The following COMP variants were observed in gnomAD, a reference collection of about 807,000 sequenced individuals.
COMP encodes cartilage oligomeric matrix protein, also known as cartilage oligomeric matrix protein (pseudoachondroplasia, epiphyseal dysplasia 1, multiple).
COMP carries 79 observed loss-of-function variants against 95.8 expected under a neutral mutation model. The ratio of observed to expected loss-of-function variants is 0.82; its 90% CI spans 0.69 to 0.99. COMP has a LOEUF of 0.99. Ranked by LOEUF, COMP falls within the 50% of genes least tolerant of loss-of-function variation. The pLI, the probability that COMP is intolerant of heterozygous loss-of-function variation, is 0.00. For missense variants in COMP, 906 were observed against 1,076.1 expected, an observed-to-expected ratio of 0.84 and a Z score of 2.21; for synonymous variants, 438 against 433.9, an observed-to-expected ratio of 1.01 and a Z score of -0.12.
chr19:18,788,985 C>T lies in COMP; in HGVS notation c.529-72G>A, dbSNP rs1470577285. The T allele has an allele frequency of 6.4e-7, 1 of 1,569,544 alleles. No homozygotes were observed. Among genetic ancestry groups the T allele is most frequent in the Non-Finnish European group, 8.7e-7 (1 of 1,151,082 alleles). Reference sequence around the variant, plus strand: ...GGACCTCCCACCTCCTCCACACTTCCTCCGCATCCTGCCTCTCCCCTCCAT... The same window carrying T: ...GGACCTCCCACCTCCTCCACACTTCTTCCGCATCCTGCCTCTCCCCTCCAT... On this transcript the variant is annotated intron_variant, in intron 5 of 18. Transcript: ENST00000222271. This position sits in a 1 kb window ranked among gnomAD's most constrained non-coding sequence, Gnocchi z 4.7.
chr19:18,791,005 A>G, intron 1 of COMP, 70 bp from the exon 2 acceptor site: 2 of 1,538,966 alleles, frequency 1.3e-6, no homozygotes, highest in Non-Finnish European at 1.7e-6. Flanking sequence ...CCACCGTTGC[A>G]GCGAACCCGG....
intron 12 of COMP, 28 bp downstream of exon 12, chr19:18,786,211 G>T (rs770889743): frequency 1.5e-5 from 25 of 1,614,010 alleles, no homozygotes. Flanking sequence ...AAGGCTACCC[G>T]GACGCCCACC....
In COMP at chr19:18,788,269, A is replaced by T; in HGVS notation, c.918T>A (p.Asp306Glu). 1 of 1,613,144 alleles carries T rather than the reference A, an allele frequency of 6.2e-7. No individual in the cohort carries two copies. The highest frequency in any genetic ancestry group is 8.5e-7 in the Non-Finnish European group (1 of 1,179,986). The change falls in exon 9 of 19, where the codon GAT (aspartate) becomes GAA (glutamate). Residue 306 changes from aspartate to glutamate, a missense_variant. By Grantham distance (45) the Asp-to-Glu change is conservative. Coordinates refer to ENST00000222271, the MANE Select transcript of COMP (RefSeq NM_000095.3). The surrounding 1 kb of genome is among the most constrained non-coding windows in gnomAD (Gnocchi z 4.7). ...PNSGQEDVDR[D>E]GIGDACDPDA... Reference sequence around the variant, plus strand: ...CCGGATCGCAGGCGTCTCCGATGCCATCGCGGTCCACATCCTCCTGCCCTG... The same window carrying T: ...CCGGATCGCAGGCGTCTCCGATGCCTTCGCGGTCCACATCCTCCTGCCCTG...
rs1384791645 is a variant in COMP at position 18,782,945 on chromosome 19, G to A, written c.2244C>T (p.Asp748=). The A allele has an allele frequency of 1.2e-6, 2 of 1,612,554 alleles. No homozygotes were observed. The highest frequency in any genetic ancestry group is 8.5e-7 in the Non-Finnish European group (1 of 1,180,008). The stretch of plus-strand genomic sequence containing the variant: ...CTTGCCGCAGCTGATGGGTCTCATA[G>A]TCCTCTGGGATGGTGTCTGCAGGGA... The part of the protein sequence containing the change: ...RYRCNDTIPE[D]YETHQLRQA Residue 748 remains aspartate (D), a synonymous_variant, in exon 19 of 19, where the codon GAC becomes GAT. Coordinates refer to ENST00000222271, the MANE Select transcript of COMP (RefSeq NM_000095.3).
chr19:18,785,790 G>A lies in COMP; in HGVS notation c.1551C>T (p.Ile517=), dbSNP rs753703511. 5 of 1,613,266 alleles carry A rather than the reference G, an allele frequency of 3.1e-6. No individual in the cohort carries two copies. The highest frequency in any genetic ancestry group is 1.1e-5 in the South Asian group (1 of 91,084). Residue 517 remains isoleucine, a synonymous_variant, in exon 14 of 19, where the codon ATC becomes ATT. Transcript: ENST00000222271. ...CTTCAGCGTTCTCCGGACACACGTC[G>A]ATCTTGTCTACCACCTTGTCTGCAT... ...DFDADKVVDK[I]DVCPENAEVT...
chr19:18,788,381 C>G lies in COMP; in HGVS notation c.867+29G>C. Reference sequence around the variant, plus strand: ...ATGAAGTCCCGCCCTCCCTCCTGCCCAAGCCCGCCCCGCTCCGCCCCCACC... The same window carrying G: ...ATGAAGTCCCGCCCTCCCTCCTGCCGAAGCCCGCCCCGCTCCGCCCCCACC... On this transcript the variant is annotated intron_variant, in intron 8 of 18. Transcript: ENST00000222271. This position sits in a 1 kb window ranked among gnomAD's most constrained non-coding sequence, Gnocchi z 4.7. The G allele has an allele frequency of 6.3e-7, 1 of 1,595,318 alleles. No individual in the cohort carries two copies. Among genetic ancestry groups the G allele is most frequent in the Non-Finnish European group, 8.6e-7 (1 of 1,169,054 alleles).
chr19:18,787,492 G>A lies in COMP; in HGVS notation c.1134C>T (p.Asp378=). The change falls in exon 10 of 19, where the codon GAC becomes GAT. Residue 378 remains aspartate (D), a splice_region_variant and synonymous_variant. Coordinates refer to ENST00000222271, the MANE Select transcript of COMP (RefSeq NM_000095.3). The part of the protein sequence containing the change: ...GDACDDDIDG[D]RIRNQADNCP... ...CCCCCCAACCCCCATCGAGCTCACG[G>A]TCGCCGTCGATGTCGTCGTCGCACG... The A allele has an allele frequency of 6.2e-7, 1 of 1,612,056 alleles. No homozygotes were observed. The highest frequency in any genetic ancestry group is 1.1e-5 in the South Asian group (1 of 91,056).
intron 9 of COMP, 77 bp from the exon 10 acceptor site, chr19:18,787,727 G>A (rs2055177725): frequency 1.3e-6 from 2 of 1,590,256 alleles, no homozygotes; most frequent in Non-Finnish European, 8.6e-7. Flanking sequence ...CCAAATCTCC[G>A]AGGACGCGTC....
chr19:18,784,825 GT>G lies in COMP; in HGVS notation c.1914+70del, dbSNP rs2055153111. On this transcript the variant is annotated intron_variant, in intron 16 of 18. Transcript: ENST00000222271. The surrounding 1 kb of genome is among the most constrained non-coding windows in gnomAD (Gnocchi z 4.9). Reference sequence around the variant, plus strand: ...AGGGGGCTGGGGGGCTCTAAGGGCTGTAAAGGGTTTTACGGAGGGTCATGGG... The same window carrying G: ...AGGGGGCTGGGGGGCTCTAAGGGCTGAAAGGGTTTTACGGAGGGTCATGGG... 36 of 1,557,210 alleles carry G rather than the reference GT, an allele frequency of 2.3e-5. 1 individual carries two copies. In the South Asian group the frequency reaches 3.8e-4, roughly 16 times the overall value.
At chr19:18,787,826 G>A (rs537633917) in intron 9 of COMP, among the ~76,000 whole-genome samples, 176 bp from the exon 10 acceptor site, 1 of 149,902 alleles carries the variant, frequency 6.7e-6, no homozygotes, top group African/African-American at 2.5e-5. Flanking sequence ...CCTAGGCCCC[G>A]CTCACAGCTC....
intron 1 of COMP, 103 bp downstream of exon 1, chr19:18,791,088 C>T (rs945472570): frequency 1.3e-6 from 2 of 1,507,164 alleles, no homozygotes; most frequent in Non-Finnish European, 1.8e-6. Context: ...ACGTCCCCTA[C>T]GAACAGTCCG....
rs1335570727 is a variant in COMP, at chr19:18,784,240, T to A, written c.2038A>T (p.Lys680Ter). Reference protein sequence around the residue: ...DPRNVGWKDKKSYRWFLQHRP... With the variant: ...DPRNVGWKDK ...TGCTGCAGGAACCAACGATAGGACT[T>A]CTTGTCCTTCCAACCCACGTTTCGC... The change falls in exon 17 of 19, where the codon AAG (lysine) becomes TAG (stop). Residue 680 changes from lysine (K) to a stop codon, truncating the protein, a stop_gained. Transcript: ENST00000222271. LOFTEE classifies it high-confidence loss of function. This position sits in a 1 kb window ranked among gnomAD's most constrained non-coding sequence, Gnocchi z 4.9. 3 of 1,613,914 alleles carry A rather than the reference T, an allele frequency of 1.9e-6. No homozygotes were observed. In the East Asian group the frequency reaches 6.7e-5, roughly 36 times the overall value.
chr19:18,788,474 C>T lies in COMP; in HGVS notation c.803G>A (p.Arg268His), dbSNP rs2055186584. ...CGGGAAGCCGTCTAGGTCAGTGTCG[C>T]GACCACAGAGGATCCCGTTGCCGGC... ...GWAGNGILCG[R>H]DTDLDGFPDE... is the part of the protein sequence containing the mutation. The change falls in exon 8 of 19, where the codon CGC (arginine) becomes CAC (histidine). Residue 268 changes from arginine (R) to histidine (H), a missense_variant. By Grantham distance (29) the Arg-to-His change is conservative. Transcript: ENST00000222271. The surrounding 1 kb of genome is among the most constrained non-coding windows in gnomAD (Gnocchi z 4.7). 3.7e-6 allele frequency: 6 copies of T among 1,610,690 alleles called. No homozygotes were observed. In the Admixed American group the frequency reaches 1.0e-4, roughly 27 times the overall value.
chr19:18,790,805 C>G (rs2055207419), intron 2 of COMP, 45 bp downstream of exon 2: 1 of 1,558,704 alleles, frequency 6.4e-7, no homozygotes, highest in South Asian at 1.2e-5. Context: ...ACTGAGACCC[C>G]CTTCCGTTCC....
At chr19:18,790,649 C>G in intron 2 of COMP, 36 bp from the exon 3 acceptor site, 1 of 1,613,872 alleles carries the variant, frequency 6.2e-7, no homozygotes, top group South Asian at 1.1e-5. Flanking sequence ...GGGTCCCAAC[C>G]TCTCCTCATC....
At position 18,788,205 on chromosome 19, in the gene COMP, G is replaced by T. The variant is rs376100048; in HGVS notation, c.975+7C>A. 6.2e-7 allele frequency: 1 copy of T among 1,611,176 alleles called. No individual in the cohort carries two copies. The highest frequency in any genetic ancestry group is 1.1e-5 in the South Asian group (1 of 91,004). ...GAGTGAACCACCGTGCCGAGCCGTA[G>T]ATCTACCTTTTCATTGGGGACCCCG... On this transcript the variant is annotated splice_region_variant and intron_variant, in intron 9 of 18. Coordinates refer to ENST00000222271, the MANE Select transcript of COMP (RefSeq NM_000095.3). This position sits in a 1 kb window ranked among gnomAD's most constrained non-coding sequence, Gnocchi z 4.7.
chr19:18,786,317 C>A, intron 11 of COMP, 26 bp from the exon 12 acceptor site: 1 of 1,613,524 alleles, frequency 6.2e-7, no homozygotes. Context: ...TGCGGGGGTC[C>A]ATAATCAGAC....
At chr19:18,787,465 C>G in intron 10 of COMP, 26 bp downstream of exon 10, 1 of 1,608,430 alleles carries the variant, frequency 6.2e-7, no homozygotes, top group Non-Finnish European at 8.5e-7. Context: ...CGCCTCTCCT[C>G]GCCCCCCAAC....
At chr19:18,790,234 G>C (rs1284002789) in intron 3 of COMP, 120 bp from the exon 4 acceptor site, 1 of 784,740 alleles carries the variant, frequency 1.3e-6, no homozygotes, top group Non-Finnish European at 1.9e-6. Context: ...CCCGCCCCGG[G>C]GCGGCCCGAA....
Sources: gnomAD v4.1 joint callset for allele counts (sites outside exome capture counted in the v4.1 genomes callset) on GRCh38, gnomAD v4.1.1 for gene constraint, Gnocchi (gnomAD v3.1) non-coding constraint, MANE v1.5 for transcripts, NCBI Gene and HGNC (gene_info 2026-07-23, HGNC 2026-07-21) for gene names.